TMEM222: variants seen among roughly 807,000 people sequenced by gnomAD.
TMEM222 encodes transmembrane protein 222.
A neutral mutation model predicts 25.1 loss-of-function variants in TMEM222; 18 were observed. The ratio of observed to expected loss-of-function variants is 0.72; its 90% CI spans 0.50 to 1.06. TMEM222 has a LOEUF of 1.06. TMEM222 is among the 50% of genes least tolerant of loss of function. The pLI is 0.00. For missense variants in TMEM222, 296 were observed against 293.7 expected (o/e 1.01, Z -0.06); for synonymous variants, 131 against 117.9 (o/e 1.11, Z -0.72).
chr1:27,332,713 C>G, intron 3 of TMEM222: 2 of 589,500 alleles, frequency 3.4e-6, no homozygotes, highest in East Asian at 2.9e-5. Context: ...GAGACTGGGC[C>G]GAGGAGGAGT....
chr1:27,330,531 C>T (rs2014454004), intron 1 of TMEM222, among the ~76,000 whole-genome samples, 189 bp from the exon 2 acceptor site: 1 of 152,182 alleles, frequency 6.6e-6, no homozygotes, highest in Non-Finnish European at 1.5e-5. Flanking sequence ...GCTGAGGTAT[C>T]CCATTGTGCT....
At position 27,335,474 on chromosome 1, in the gene TMEM222, T is replaced by C. The variant is rs2014583127; in HGVS notation, c.*8T>C. The C allele has an allele frequency of 1.2e-6, 2 of 1,613,898 alleles. No individual in the cohort carries two copies. The highest frequency in any genetic ancestry group is 1.7e-6 in the Non-Finnish European group (2 of 1,179,800). Reference sequence around the variant, plus strand: ...GTCTTTAACCTCCGGTGATGGCTGCTCGGTGGCCCCACACCCACCAGGGTC... The same window carrying C: ...GTCTTTAACCTCCGGTGATGGCTGCCCGGTGGCCCCACACCCACCAGGGTC... On this transcript the variant is annotated 3_prime_UTR_variant, in exon 6 of 6. Coordinates refer to ENST00000374076, the MANE Select transcript of TMEM222 (RefSeq NM_032125.3).
chr1:27,335,459 TC>T lies in TMEM222; in HGVS notation c.622del (p.Arg208GlyfsTer77), dbSNP rs754576757. Reference sequence around the variant, plus strand: ...CTCACCGTCAGCCTGGTCTTTAACCTCCGGTGATGGCTGCTCGGTGGCCCCA... The same window carrying T: ...CTCACCGTCAGCCTGGTCTTTAACCTCGGTGATGGCTGCTCGGTGGCCCCA... ...IILTVSLVFNLR is the reference protein window; with the variant it reads ...IILTVSLVFNXR On this transcript the variant is annotated frameshift_variant, in exon 6 of 6. Coordinates refer to ENST00000374076, the MANE Select transcript of TMEM222 (RefSeq NM_032125.3). LOFTEE classifies it high-confidence loss of function. 9.3e-6 allele frequency: 15 copies of T among 1,614,022 alleles called. No homozygotes were observed. The highest frequency in any genetic ancestry group is 5.0e-5 in the Admixed American group (3 of 60,008).
chr1:27,332,097 G>C lies in TMEM222; in HGVS notation c.307G>C (p.Ala103Pro). 1 of 1,614,254 alleles carries C rather than the reference G, an allele frequency of 6.2e-7. No homozygotes were observed. The highest frequency in any genetic ancestry group is 1.1e-5 in the South Asian group (1 of 91,090). Reference sequence around the variant, plus strand: ...GGACAACATGGCCTTTGGAAAGCCTGCCAAGTAAGTGATGAACACCCATGT... The same window carrying C: ...GGACAACATGGCCTTTGGAAAGCCTCCCAAGTAAGTGATGAACACCCATGT... ...SEDNMAFGKP[A>P]KYWKLDPAQV... Residue 103 changes from alanine to proline, a missense_variant, in exon 3 of 6, where the codon GCC becomes CCC. Coordinates refer to ENST00000374076, the MANE Select transcript of TMEM222 (RefSeq NM_032125.3).
chr1:27,331,447 A>G (rs1010374567), intron 2 of TMEM222, among the ~76,000 whole-genome samples: 21 of 152,200 alleles, frequency 1.4e-4, no homozygotes, highest in Admixed American at 3.3e-4. Context: ...TTACTTTATC[A>G]TATATTTTTA....
At chr1:27,328,838 A>G (rs369887480) in intron 1 of TMEM222, among the ~76,000 whole-genome samples, 1 of 152,144 alleles carries the variant, frequency 6.6e-6, no homozygotes, top group East Asian at 1.9e-4. Context: ...GCGTCTCTGG[A>G]GGCTTGGCCT....
In TMEM222 at chr1:27,332,119, A is replaced by T. The variant is rs376484598; in HGVS notation, c.311+18A>T. 1.9e-6 allele frequency: 3 copies of T among 1,614,238 alleles called. No individual in the cohort carries two copies. Among genetic ancestry groups the T allele is most frequent in the Non-Finnish European group, 2.5e-6 (3 of 1,180,020 alleles). ...CCTGCCAAGTAAGTGATGAACACCC[A>T]TGTGACTGGCTCTAGAGGCAGGTCG... On this transcript the variant is annotated intron_variant, in intron 3 of 5. Coordinates refer to ENST00000374076, the MANE Select transcript of TMEM222 (RefSeq NM_032125.3).
intron 5 of TMEM222, chr1:27,334,812 G>A: frequency 1.8e-6 from 2 of 1,098,638 alleles, no homozygotes; most frequent in African/African-American, 1.6e-5. Flanking sequence ...TCATCATTAA[G>A]AGGTTCTGAA....
intron 3 of TMEM222, chr1:27,332,645 A>G (rs2014509013): frequency 1.5e-6 from 1 of 650,284 alleles, no homozygotes; most frequent in African/African-American, 1.8e-5. Flanking sequence ...GCCTGGTGAG[A>G]GTGCCTCAGT....
chr1:27,332,217 C>A, intron 3 of TMEM222, 116 bp downstream of exon 3: 1 of 1,296,008 alleles, frequency 7.7e-7, no homozygotes, highest in Non-Finnish European at 1.1e-6. Flanking sequence ...TATTTGGGGT[C>A]GGGGGAGAGG....
intron 5 of TMEM222, 76 bp from the exon 6 acceptor site, chr1:27,335,303 G>T: frequency 7.0e-7 from 1 of 1,437,342 alleles, no homozygotes; most frequent in Non-Finnish European, 9.8e-7. Flanking sequence ...TGGGGTCTGT[G>T]GGTGCTCAGG....
chr1:27,335,371 T>A lies in TMEM222; in HGVS notation c.540-8T>A. On this transcript the variant is annotated splice_polypyrimidine_tract_variant and splice_region_variant and intron_variant, in intron 5 of 5. Coordinates refer to ENST00000374076, the MANE Select transcript of TMEM222 (RefSeq NM_032125.3). ...GCCCACCTATGCTCGCTCCTTTCTCTCTGTCAGCGTTGGGGCCTTCGTGAA... is the reference window on the plus strand; with the variant it reads ...GCCCACCTATGCTCGCTCCTTTCTCACTGTCAGCGTTGGGGCCTTCGTGAA... 1 of 1,614,152 alleles carries A rather than the reference T, an allele frequency of 6.2e-7. No homozygotes were observed. The highest frequency in any genetic ancestry group is 8.5e-7 in the Non-Finnish European group (1 of 1,179,966).
intron 2 of TMEM222, among the ~76,000 whole-genome samples, chr1:27,331,869 C>CCA (rs1370311376): frequency 6.6e-6 from 1 of 152,128 alleles, no homozygotes; most frequent in Non-Finnish European, 1.5e-5. Flanking sequence ...TGCACTTGTG[C>CCA]CACACTGCCT....
At chr1:27,324,758 G>A (rs2014298196) in intron 1 of TMEM222, among the ~76,000 whole-genome samples, 1 of 152,190 alleles carries the variant, frequency 6.6e-6, no homozygotes, top group Non-Finnish European at 1.5e-5. Flanking sequence ...CAGTTATGGT[G>A]TAAGGCAAAG....
chr1:27,330,981 C>G, intron 2 of TMEM222, 177 bp downstream of exon 2: 1 of 1,489,196 alleles, frequency 6.7e-7, no homozygotes, highest in Non-Finnish European at 8.9e-7. Flanking sequence ...TCTCTTGCCT[C>G]CAGGACAGGC....
At chr1:27,332,637 C>A (rs955951052) in intron 3 of TMEM222, 3 of 657,226 alleles carry the variant, frequency 4.6e-6, no homozygotes, top group Non-Finnish European at 8.4e-6. Context: ...AGCTGTGGGC[C>A]TGGTGAGAGT....
intron 5 of TMEM222, 144 bp from the exon 6 acceptor site, chr1:27,335,235 A>C (rs1251794389): frequency 6.2e-5 from 47 of 759,496 alleles, no homozygotes; most frequent in East Asian, 3.1e-4. Flanking sequence ...TGCTTCCTTG[A>C]TTGGCCAAGT....
chr1:27,333,434 G>T (rs1305285395), intron 3 of TMEM222: 1 of 470,652 alleles, frequency 2.1e-6, no homozygotes, highest in East Asian at 6.9e-5. Context: ...CTCATCAATT[G>T]GGTATCTTAG....
At chr1:27,332,490 A>G in intron 3 of TMEM222, 1 of 718,200 alleles carries the variant, frequency 1.4e-6, no homozygotes. Context: ...CATGGAAGGT[A>G]GAAGAGAGGC....
Sources: gnomAD v4.1 joint callset for allele counts (sites outside exome capture counted in the v4.1 genomes callset) on GRCh38, gnomAD v4.1.1 for gene constraint, MANE v1.5 for transcripts, NCBI Gene and HGNC (gene_info 2026-07-23, HGNC 2026-07-21) for gene names.